PRIM2: variants seen among roughly 807,000 people sequenced by gnomAD.
PRIM2 encodes the protein DNA primase large subunit.
In PRIM2, 39 loss-of-function variants were observed where a neutral mutation model predicts 67.3. The ratio of observed to expected loss-of-function variants is 0.58; its 90% CI spans 0.45 to 0.76. The LOEUF is 0.76. PRIM2 is among the 30% of genes least tolerant of loss of function. The pLI, the probability that PRIM2 is intolerant of heterozygous loss-of-function variation, is 0.00. For missense variants in PRIM2, 398 were observed against 598.7 expected (o/e 0.66, Z 3.50); for synonymous variants, 143 against 198.7 (o/e 0.72, Z 2.36).
At chr6:57,340,280 T>C (rs1313440569) in intron 5 of PRIM2, among the ~76,000 whole-genome samples, 1 of 152,216 alleles carries the variant, frequency 6.6e-6, no homozygotes, top group Non-Finnish European at 1.5e-5. Flanking sequence ...AGTTCAACCA[T>C]TGTGGAAGTC....
At chr6:57,629,195 A>G (rs1777003585) in intron 12 of PRIM2, among the ~76,000 whole-genome samples, 1 of 152,218 alleles carries the variant, frequency 6.6e-6, no homozygotes, top group African/African-American at 2.4e-5. Context: ...GTTGCAGTCC[A>G]TATACAAATT....
chr6:57,466,450 C>A (rs527631903), intron 7 of PRIM2, among the ~76,000 whole-genome samples: 4 of 152,138 alleles, frequency 2.6e-5, no homozygotes, highest in Non-Finnish European at 4.4e-5. Flanking sequence ...AGTGTAAAAG[C>A]GTTCCTATTT....
At position 57,498,412 on chromosome 6, in the gene PRIM2, C is replaced by T. The variant is rs1232404335; in HGVS notation, c.694-8975C>T. On this transcript the variant is annotated intron_variant, in intron 7 of 13. Coordinates refer to ENST00000615550, the MANE Select transcript of PRIM2 (RefSeq NM_000947.5). ...CCTATTTATTTTCCATTAAAATAAA[C>T]GTAAATTTGGTTCTTTGTCATTTTA... Among the ~76,000 whole-genome samples the T allele has an allele frequency of 9.1e-3, 1,390 of 152,120 alleles. 20 individuals are homozygous for T. The highest frequency in any genetic ancestry group is 0.03 in the African/African-American group (1,258 of 41,510).
chr6:57,354,358 G>C (rs1768961467), intron 5 of PRIM2, among the ~76,000 whole-genome samples: 1 of 152,136 alleles, frequency 6.6e-6, no homozygotes, highest in African/African-American at 2.4e-5. Flanking sequence ...GTGTTAATTT[G>C]CTCCAAATGA....
At chr6:57,562,203 T>C (rs1247314187) in intron 10 of PRIM2, among the ~76,000 whole-genome samples, 174 of 152,228 alleles carry the variant, frequency 1.1e-3, no homozygotes, top group Non-Finnish European at 2.0e-3. Context: ...GAATGAGATA[T>C]AATAATGAAA....
Position 57,514,471 on chromosome 6 carries a change from T to C in PRIM2, c.761+7017T>C, listed in dbSNP as rs1295309729. Among the ~76,000 whole-genome samples, 5 of 152,252 alleles carry C rather than the reference T, an allele frequency of 3.3e-5. No individual in the cohort carries two copies. In the South Asian group the frequency reaches 8.3e-4, roughly 25 times the overall value. On this transcript the variant is annotated intron_variant, in intron 8 of 13. Transcript: ENST00000615550. ...GCCTGGTCCACATGCTTCAGTTGTTTGTTAGCTCTTTCTCATCACCTGTTT... is the reference window on the plus strand; with the variant it reads ...GCCTGGTCCACATGCTTCAGTTGTTCGTTAGCTCTTTCTCATCACCTGTTT...
intron 10 of PRIM2, among the ~76,000 whole-genome samples, chr6:57,564,005 A>G (rs1775689797): frequency 4.6e-5 from 7 of 152,204 alleles, no homozygotes. Flanking sequence ...CTATGTAGAC[A>G]TGAAGTCCTT....
At chr6:57,274,020 G>A in the PRIM2 span, among the ~76,000 whole-genome samples, 2 of 152,170 alleles carry the variant, frequency 1.3e-5, no homozygotes, top group Non-Finnish European at 2.9e-5. Context: ...GGCCGTGTAA[G>A]GTGTCAGTCC....
chr6:57,635,681 C>T (rs1248088678), intron 13 of PRIM2, among the ~76,000 whole-genome samples: 1 of 152,146 alleles, frequency 6.6e-6, no homozygotes, highest in Non-Finnish European at 1.5e-5. Flanking sequence ...CAATCTTAAA[C>T]AGGATATATG....
intron 5 of PRIM2, among the ~76,000 whole-genome samples, chr6:57,361,811 A>G (rs900696972): frequency 6.6e-6 from 1 of 152,178 alleles, no homozygotes; most frequent in African/African-American, 2.4e-5. Context: ...ATAGTTGAAG[A>G]GAGCAGGAAA....
chr6:57,521,223 G>T (rs2127464230), intron 8 of PRIM2, among the ~76,000 whole-genome samples: 1 of 152,202 alleles, frequency 6.6e-6, no homozygotes, highest in South Asian at 2.1e-4. Flanking sequence ...GACAGCTGTT[G>T]ACTGAATTTT....
chr6:57,381,898 A>G, intron 6 of PRIM2, 133 bp from the exon 7 acceptor site: 1 of 922,094 alleles, frequency 1.1e-6, no homozygotes, highest in Non-Finnish European at 1.5e-6. Context: ...AGGAGGATAA[A>G]TTAATCATTT....
At chr6:57,234,229 GA>G in the PRIM2 span, among the ~76,000 whole-genome samples, 1 of 152,240 alleles carries the variant, frequency 6.6e-6, no homozygotes, top group Admixed American at 6.5e-5. Flanking sequence ...AATTGTAAAA[GA>G]GCAAAAACAA....
At chr6:57,474,829 G>A (rs1393808253) in intron 7 of PRIM2, among the ~76,000 whole-genome samples, 3 of 152,194 alleles carry the variant, frequency 2.0e-5, no homozygotes, top group Non-Finnish European at 4.4e-5. Flanking sequence ...CCAGAGCCAA[G>A]CTTTTAACCT....
intron 7 of PRIM2, among the ~76,000 whole-genome samples, chr6:57,385,960 A>T (rs934241573): frequency 6.6e-5 from 10 of 151,784 alleles, no homozygotes; most frequent in Non-Finnish European, 1.0e-4. Context: ...GGTTATCACA[A>T]ATACTGCTGC....
At chr6:57,378,148 AC>A in intron 5 of PRIM2, among the ~76,000 whole-genome samples, 1 of 150,974 alleles carries the variant, frequency 6.6e-6, no homozygotes, top group African/African-American at 2.4e-5. Flanking sequence ...GCAGCCTCTA[AC>A]TCCTGGGCTC....
At chr6:57,561,513 G>C (rs1257985332) in intron 10 of PRIM2, among the ~76,000 whole-genome samples, 1 of 152,190 alleles carries the variant, frequency 6.6e-6, no homozygotes, top group African/African-American at 2.4e-5. Flanking sequence ...GATCACAGGC[G>C]TGAGCCACTC....
chr6:57,639,133 C>G (rs1469115752), intron 13 of PRIM2, among the ~76,000 whole-genome samples: 13 of 152,164 alleles, frequency 8.5e-5, no homozygotes, highest in African/African-American at 2.9e-4. Flanking sequence ...GGAAACTGAA[C>G]AGTCTGCTCC....
Position 57,473,957 on chromosome 6 carries a change from G to A in PRIM2, c.694-33430G>A, listed in dbSNP as rs1190367904. On this transcript the variant is annotated intron_variant, in intron 7 of 13. Transcript: ENST00000615550. ...CGACTTAGAAAAGTTTTGAAATTAG[G>A]ATGATAGTGTTTTTCATTACATCTT... Among the ~76,000 whole-genome samples, 958 of 151,780 alleles carry A rather than the reference G, an allele frequency of 6.3e-3. 36 individuals are homozygous for A. Among genetic ancestry groups the A allele is most frequent in the Admixed American group, 0.057 (867 of 15,250 alleles).
Sources: gnomAD v4.1 joint callset for allele counts (sites outside exome capture counted in the v4.1 genomes callset) on GRCh38, gnomAD v4.1.1 for gene constraint, MANE v1.5 for transcripts, NCBI Gene and HGNC (gene_info 2026-07-23, HGNC 2026-07-21) for gene names.